The following ASTN2 variants were observed in gnomAD, a reference collection of about 807,000 sequenced individuals.
ASTN2 encodes astrotactin-2.
ASTN2 carries 54 observed loss-of-function variants against 139.8 expected under a neutral mutation model. The observed-to-expected ratio is 0.39, with a 90% CI of 0.31 to 0.48. The LOEUF (loss-of-function observed/expected upper bound fraction) is 0.48, where lower values mean the gene tolerates loss of function less well. Ranked by LOEUF, ASTN2 falls within the 20% of genes least tolerant of loss-of-function variation. The probability of loss-of-function intolerance (pLI) is 0.95; values close to 1 mark genes in which losing one functional copy is unlikely to be tolerated. For missense variants in ASTN2, 1,565 were observed against 1,725.1 expected, an observed-to-expected ratio of 0.91 and a Z score of 1.64; for synonymous variants, 756 against 719.5, an observed-to-expected ratio of 1.05 and a Z score of -0.81.
chr9:117,380,077 A>G (rs1830226116), intron 1 of ASTN2, among the ~76,000 whole-genome samples: 1 of 152,154 alleles, frequency 6.6e-6, no homozygotes, highest in African/African-American at 2.4e-5. Context: ...AGGATATAGC[A>G]GGAGAAGGTG....
intron 17 of ASTN2, among the ~76,000 whole-genome samples, chr9:116,637,765 T>C (rs1401237967): frequency 6.6e-6 from 1 of 151,980 alleles, no homozygotes; most frequent in African/African-American, 2.4e-5. Flanking sequence ...ATGGCAAAAC[T>C]CCCATTTCTA....
intron 5 of ASTN2, among the ~76,000 whole-genome samples, chr9:117,086,035 A>G (rs1194871733): frequency 6.6e-6 from 1 of 152,224 alleles, no homozygotes; most frequent in Non-Finnish European, 1.5e-5. Context: ...GTTTAGAATA[A>G]TATGAAATCA....
At chr9:116,860,103 T>C (rs568812259) in intron 11 of ASTN2, among the ~76,000 whole-genome samples, 1 of 151,166 alleles carries the variant, frequency 6.6e-6, no homozygotes, top group African/African-American at 2.5e-5. Context: ...AGGTACCAGA[T>C]TAAAAAGTGA....
chr9:116,645,659 G>C (rs1857554090), intron 17 of ASTN2, among the ~76,000 whole-genome samples: 1 of 152,180 alleles, frequency 6.6e-6, no homozygotes, highest in Admixed American at 6.5e-5. Context: ...TCCAGGGGTA[G>C]GGAGTTCTCA....
chr9:116,495,808 A>C (rs1432900546), intron 19 of ASTN2, among the ~76,000 whole-genome samples: 2 of 152,178 alleles, frequency 1.3e-5, no homozygotes, highest in African/African-American at 4.8e-5. Context: ...AGGGTGAGGG[A>C]TACAAAGACT....
chr9:116,791,615 C>T (rs1274517638), intron 13 of ASTN2, among the ~76,000 whole-genome samples: 1 of 152,206 alleles, frequency 6.6e-6, no homozygotes, highest in Non-Finnish European at 1.5e-5. Context: ...AATCACTGTG[C>T]TAATTACAAT....
At chr9:117,203,271 G>T (rs188535849) in intron 3 of ASTN2, among the ~76,000 whole-genome samples, 35 of 151,994 alleles carry the variant, frequency 2.3e-4, no homozygotes, top group Non-Finnish European at 4.7e-4. Flanking sequence ...TCTTTGCATT[G>T]TGTTAGAACA....
chr9:117,190,163 C>A (rs1358861352), intron 3 of ASTN2, among the ~76,000 whole-genome samples: 1 of 152,180 alleles, frequency 6.6e-6, no homozygotes, highest in East Asian at 1.9e-4. Flanking sequence ...TCAGCTCCTG[C>A]TAAGTGCTGG....
At chr9:117,320,618 G>A (rs1205750992) in intron 1 of ASTN2, among the ~76,000 whole-genome samples, 1 of 152,134 alleles carries the variant, frequency 6.6e-6, no homozygotes, top group South Asian at 2.1e-4. Context: ...TCCATAACAT[G>A]ACTCTGCCCC....
intron 5 of ASTN2, among the ~76,000 whole-genome samples, chr9:117,055,396 C>A (rs1317679138): frequency 6.6e-6 from 1 of 152,122 alleles, no homozygotes; most frequent in Non-Finnish European, 1.5e-5. Flanking sequence ...GTGAGAGGAC[C>A]ACTTGAGCCC....
intron 3 of ASTN2, among the ~76,000 whole-genome samples, chr9:117,141,704 T>C (rs907164816): frequency 6.6e-6 from 1 of 152,192 alleles, no homozygotes; most frequent in South Asian, 2.1e-4. Flanking sequence ...GTATTCAACA[T>C]TTACTACGTT....
intron 10 of ASTN2, among the ~76,000 whole-genome samples, chr9:116,871,987 C>G (rs538968024): frequency 6.6e-6 from 1 of 152,134 alleles, no homozygotes; most frequent in Non-Finnish European, 1.5e-5. Context: ...CTTTTTGAGA[C>G]AGAGTCTCAC....
At chr9:117,257,990 G>A (rs1489321507) in intron 2 of ASTN2, among the ~76,000 whole-genome samples, 1 of 152,150 alleles carries the variant, frequency 6.6e-6, no homozygotes, top group Admixed American at 6.6e-5. Flanking sequence ...TTTTATTCCT[G>A]GGTCCCCTTG....
intron 4 of ASTN2, among the ~76,000 whole-genome samples, chr9:117,120,008 G>GTACATATA (rs1203112485): frequency 2.2e-5 from 1 of 45,628 alleles, no homozygotes; most frequent in Admixed American, 2.8e-4. Context: ...GTGTGTGTGT[G>GTACATATA]TGTGTGTGTG....
chr9:116,985,708 C>T (rs1027576377), intron 7 of ASTN2, among the ~76,000 whole-genome samples: 7 of 152,174 alleles, frequency 4.6e-5, no homozygotes, highest in Admixed American at 3.9e-4. Flanking sequence ...GGACACAGAG[C>T]ATGTATTTCC....
chr9:116,941,281 C>T (rs1211022099), intron 10 of ASTN2, among the ~76,000 whole-genome samples: 1 of 150,550 alleles, frequency 6.6e-6, no homozygotes, highest in African/African-American at 2.4e-5. Context: ...CTGGGATAAT[C>T]TGGGATACTT....
At chr9:116,495,707 G>T (rs1849647419) in intron 19 of ASTN2, among the ~76,000 whole-genome samples, 1 of 152,118 alleles carries the variant, frequency 6.6e-6, no homozygotes. Flanking sequence ...GTAGTCCAAA[G>T]TCATACTCCA....
chr9:116,981,026 T>C (rs149302819), intron 7 of ASTN2, among the ~76,000 whole-genome samples: 2 of 152,240 alleles, frequency 1.3e-5, no homozygotes, highest in South Asian at 4.1e-4. Context: ...TGCTCACCAC[T>C]GCATCTCAGC....
At chr9:117,000,029 T>C (rs1837150379) in intron 7 of ASTN2, among the ~76,000 whole-genome samples, 1 of 152,198 alleles carries the variant, frequency 6.6e-6, no homozygotes, top group African/African-American at 2.4e-5. Flanking sequence ...GTTATGCACA[T>C]TGTTGGATTA....
Sources: gnomAD v4.1 joint callset for allele counts (sites outside exome capture counted in the v4.1 genomes callset) on GRCh38, gnomAD v4.1.1 for gene constraint, MANE v1.5 for transcripts, NCBI Gene and HGNC (gene_info 2026-07-23, HGNC 2026-07-21) for gene names.